Variants in RALGAPB observed in about 807,000 individuals in gnomAD.
The protein encoded by RALGAPB is ral GTPase-activating protein subunit beta.
A neutral mutation model predicts 161.1 loss-of-function variants in RALGAPB; 25 were observed. The ratio of observed to expected loss-of-function variants is 0.16; its 90% confidence interval spans 0.11 to 0.22. The LOEUF (loss-of-function observed/expected upper bound fraction) is 0.22, where lower values mean the gene tolerates loss of function less well. RALGAPB is among the 10% of genes least tolerant of loss of function. The pLI is 1.00. For missense variants in RALGAPB, 1,391 were observed against 1,815.2 expected, an observed-to-expected ratio of 0.77 and a Z score of 4.25; for synonymous variants, 629 against 626.1, an observed-to-expected ratio of 1.00 and a Z score of -0.07.
chr20:38,535,645 C>T (rs929060784), intron 16 of RALGAPB, among the ~76,000 whole-genome samples: 5 of 148,650 alleles, frequency 3.4e-5, no homozygotes, highest in African/African-American at 5.0e-5. Flanking sequence ...CAGTCTGTAG[C>T]GTAGTCGTGC....
rs1281362896 is a variant in RALGAPB at position 38,497,628 on chromosome 20, C to G, written c.553+112C>G. On this transcript the variant is annotated intron_variant, in intron 4 of 29. Coordinates refer to ENST00000262879, the MANE Select transcript of RALGAPB (RefSeq NM_020336.4). ...ATTTAAATTTTGGCATGATGGTTTA[C>G]AAACAAAGGTTAACAGTTCTTAGAA... 2.6e-6 allele frequency: 3 copies of G among 1,163,624 alleles called. No homozygotes were observed. In the African/African-American group the frequency reaches 4.7e-5, roughly 18 times the overall value. The allele number at this position is 1,163,624 out of a possible 1,614,324, so 72.1% of individuals were successfully genotyped here. A position where few individuals can be genotyped will look rare whatever the true frequency, so the allele number is the denominator to read the frequency against.
chr20:38,558,591 A>G (rs1229280810), intron 23 of RALGAPB, 138 bp downstream of exon 23: 1 of 744,138 alleles, frequency 1.3e-6, no homozygotes, highest in African/African-American at 1.8e-5. Flanking sequence ...AGTGCTGGAA[A>G]GTGCTTCCAA....
rs373192719 is a variant in RALGAPB, at chr20:38,567,092, A to G, written c.3818-4A>G. 8.1e-6 allele frequency: 13 copies of G among 1,612,602 alleles called. No individual in the cohort carries two copies. Among genetic ancestry groups the G allele is most frequent in the African/African-American group, 5.3e-5 (4 of 74,844 alleles). On this transcript the variant is annotated splice_region_variant and splice_polypyrimidine_tract_variant and intron_variant, in intron 25 of 29. Transcript: ENST00000262879. ...ATAGTTGCTTTTTTTCCTTTACCCC[A>G]TAGCTGATTCATTGGAAAGTAACAT...
At chr20:38,525,060 C>T (rs112243952) in intron 11 of RALGAPB, 115 bp downstream of exon 11, 21 of 1,046,776 alleles carry the variant, frequency 2.0e-5, no homozygotes, top group Non-Finnish European at 2.8e-5. Context: ...TCCAAGAGAA[C>T]TCAGGCGACA....
At chr20:38,486,410 A>G (rs2085117013) in intron 1 of RALGAPB, among the ~76,000 whole-genome samples, 1 of 152,240 alleles carries the variant, frequency 6.6e-6, no homozygotes, top group African/African-American at 2.4e-5. Context: ...TTTAATAGCT[A>G]TTAAACCTAT....
At chr20:38,503,292 A>C (rs944247439) in intron 5 of RALGAPB, among the ~76,000 whole-genome samples, 7 of 152,180 alleles carry the variant, frequency 4.6e-5, no homozygotes, top group Non-Finnish European at 1.0e-4. Flanking sequence ...TAGATTTTTC[A>C]ACTGTATGAG....
At chr20:38,563,055 TC>T (rs1279109176) in intron 24 of RALGAPB, among the ~76,000 whole-genome samples, 1 of 152,148 alleles carries the variant, frequency 6.6e-6, no homozygotes, top group Admixed American at 6.5e-5. Context: ...ACAGAGCAAC[TC>T]CCTGTCTCTA....
At chr20:38,543,318 C>A (rs960178021) in intron 18 of RALGAPB, among the ~76,000 whole-genome samples, 2 of 152,262 alleles carry the variant, frequency 1.3e-5, no homozygotes, top group East Asian at 1.9e-4. Context: ...TCTGTCATTC[C>A]CCATGTACAT....
rs1255508803 is a variant in RALGAPB, at chr20:38,516,180, C to T, written c.873-12C>T. 1.9e-6 allele frequency: 3 copies of T among 1,541,264 alleles called. No individual in the cohort carries two copies. The highest frequency in any genetic ancestry group is 1.4e-5 in the African/African-American group (1 of 72,200). ...CTAAATTTGTGATTAATTCTTTCCT[C>T]TCTTTTAATAGTAATCCTGTGGATT... On this transcript the variant is annotated splice_polypyrimidine_tract_variant and intron_variant, in intron 6 of 29. Transcript: ENST00000262879.
chr20:38,502,232 CTGCT>C (rs2085617681), intron 5 of RALGAPB, among the ~76,000 whole-genome samples: 1 of 152,156 alleles, frequency 6.6e-6, no homozygotes, highest in Admixed American at 6.5e-5. Context: ...CTAATCATCT[CTGCT>C]TGAGCAGTTA....
intron 24 of RALGAPB, among the ~76,000 whole-genome samples, chr20:38,564,932 T>C (rs2087934324): frequency 6.6e-6 from 1 of 151,324 alleles, no homozygotes; most frequent in African/African-American, 2.4e-5. Flanking sequence ...CTTCTTCTTC[T>C]TCCTCTTCCC....
chr20:38,554,054 T>G lies in RALGAPB; in HGVS notation c.3350T>G (p.Phe1117Cys). 1 of 1,611,576 alleles carries G rather than the reference T, an allele frequency of 6.2e-7. No homozygotes were observed. Reference protein sequence around the residue: ...TARLFLSHFGFLSLEALKEPA... With the variant: ...TARLFLSHFGCLSLEALKEPA... ...CGCCTTTTTCTCTCACACTTTGGATTTTTGTCCTTAGAAGCACTGAAGGTA... is the reference window on the plus strand; with the variant it reads ...CGCCTTTTTCTCTCACACTTTGGATGTTTGTCCTTAGAAGCACTGAAGGTA... Residue 1117 changes from phenylalanine to cysteine, a missense_variant, in exon 22 of 30, where the codon TTT (phenylalanine) becomes TGT (cysteine). Physicochemically the swap from Phe to Cys is radical, Grantham distance 205. Transcript: ENST00000262879.
At chr20:38,481,693 C>T (rs1000167559) in intron 1 of RALGAPB, among the ~76,000 whole-genome samples, 2 of 152,158 alleles carry the variant, frequency 1.3e-5, no homozygotes, top group African/African-American at 4.8e-5. Flanking sequence ...TCTTAATCTC[C>T]TTAATTAAGC....
chr20:38,576,557 T>C lies in RALGAPB; in HGVS notation c.*1590T>C, dbSNP rs2145562830. 6.6e-6 allele frequency: 1 copy of C among 152,344 alleles called. No individual in the cohort carries two copies. Among genetic ancestry groups the C allele is most frequent in the South Asian group, 2.1e-4 (1 of 4,826 alleles). The allele number at this position is 152,344 out of a possible 1,614,324, so 9.4% of individuals were successfully genotyped here. A position where few individuals can be genotyped will look rare whatever the true frequency, so the allele number is the denominator to read the frequency against. On this transcript the variant is annotated 3_prime_UTR_variant, in exon 30 of 30. Coordinates refer to ENST00000262879, the MANE Select transcript of RALGAPB (RefSeq NM_020336.4). The stretch of plus-strand genomic sequence containing the variant: ...GCTCAGGTAAAGATAACCTCCTCTT[T>C]CTATGACTCCAGTTTCCATTCAGGT...
intron 22 of RALGAPB, among the ~76,000 whole-genome samples, chr20:38,555,220 A>G (rs941601932): frequency 2.6e-5 from 4 of 152,246 alleles, no homozygotes; most frequent in Admixed American, 1.3e-4. Flanking sequence ...TTTGAAAAGT[A>G]CAACTGAAGA....
At chr20:38,545,569 C>G (rs2087135510) in intron 18 of RALGAPB, among the ~76,000 whole-genome samples, 1 of 152,202 alleles carries the variant, frequency 6.6e-6, no homozygotes, top group Non-Finnish European at 1.5e-5. Context: ...ATGGCCTCTC[C>G]TCTTTCACTC....
Position 38,499,665 on chromosome 20 carries a change from A to C in RALGAPB, c.740+32A>C, listed in dbSNP as rs748538182. On this transcript the variant is annotated intron_variant, in intron 5 of 29. Coordinates refer to ENST00000262879, the MANE Select transcript of RALGAPB (RefSeq NM_020336.4). ...TATTGTCATTGCCCTGCCTTCCTTCACCTGTCTGACCTTAGGCAGCTTTCT... is the reference window on the plus strand; with the variant it reads ...TATTGTCATTGCCCTGCCTTCCTTCCCCTGTCTGACCTTAGGCAGCTTTCT... 25 of 1,572,220 alleles carry C rather than the reference A, an allele frequency of 1.6e-5. No homozygotes were observed. The East Asian group carries it at 5.7e-4, about 36-fold the overall frequency.
At chr20:38,497,136 A>G (rs2085449815) in intron 3 of RALGAPB, among the ~76,000 whole-genome samples, 1 of 152,202 alleles carries the variant, frequency 6.6e-6, no homozygotes, top group African/African-American at 2.4e-5. Flanking sequence ...GAAGCTTTCG[A>G]GTTCTCATAG....
chr20:38,542,267 C>T (rs992050658), intron 18 of RALGAPB, among the ~76,000 whole-genome samples: 1 of 152,128 alleles, frequency 6.6e-6, no homozygotes, highest in Non-Finnish European at 1.5e-5. Context: ...CTTGAAAATT[C>T]GTGTGTAAGT....
Sources: gnomAD v4.1 joint callset for allele counts (sites outside exome capture counted in the v4.1 genomes callset) on GRCh38, gnomAD v4.1.1 for gene constraint, MANE v1.5 for transcripts, NCBI Gene and HGNC (gene_info 2026-07-23, HGNC 2026-07-21) for gene names.